NUP214: variants seen among roughly 807,000 people sequenced by gnomAD.
NUP214 encodes the protein nucleoporin 214.
A neutral mutation model predicts 196.2 loss-of-function variants in NUP214; 79 were observed. The observed-to-expected ratio is 0.40, with a 90% CI of 0.34 to 0.49. NUP214 has a LOEUF of 0.49. Ranked by LOEUF, NUP214 falls within the 20% of genes least tolerant of loss-of-function variation. The probability of loss-of-function intolerance (pLI) is 0.58; values close to 1 mark genes in which losing one functional copy is unlikely to be tolerated. For synonymous variants in NUP214, 1,020 were observed against 990.5 expected (o/e 1.03, Z -0.56); for missense variants, 2,468 against 2,539.0 (o/e 0.97, Z 0.60).
chr9:131,185,399 A>G (rs144088051), intron 24 of NUP214, among the ~76,000 whole-genome samples: 266 of 152,264 alleles, frequency 1.7e-3, no homozygotes, highest in African/African-American at 6.1e-3. Context: ...TGTTGCTGGC[A>G]ATGTCAGTGT....
rs747951522 is a variant in NUP214, at chr9:131,132,581, CCAAATCTCTTT to C, written c.664-12_664-2del. ...TTCATTTGATACTTTATTTTCCCCT[CCAAATCTCTTT>C]CAGACTTTGCAGGAAAAAAAAGTCA... On this transcript the variant is annotated splice_polypyrimidine_tract_variant and splice_region_variant and intron_variant, in intron 5 of 35. Coordinates refer to ENST00000359428, the MANE Select transcript of NUP214 (RefSeq NM_005085.4). 50 of 1,610,630 alleles carry C rather than the reference CCAAATCTCTTT, an allele frequency of 3.1e-5. No homozygotes were observed. In the African/African-American group the frequency reaches 5.1e-4, roughly 16 times the overall value.
chr9:131,128,409 C>G lies in NUP214; in HGVS notation c.319C>G (p.Leu107Val), dbSNP rs1831429983. The G allele has an allele frequency of 6.2e-7, 1 of 1,613,924 alleles. No homozygotes were observed. ...GGCCTTGAGCTGTGATAACCTCACA[C>G]TCTCTGCGTGCATGATGTCCAGTGA... Reference protein sequence around the residue: ...HLALSCDNLTLSACMMSSEYG... With the variant: ...HLALSCDNLTVSACMMSSEYG... Residue 107 changes from leucine to valine, a missense_variant, in exon 3 of 36, where the codon CTC (leucine) becomes GTC (valine). Leu to Val is a conservative substitution (Grantham distance 32). Around this residue, in one of 5 missense-constraint regions of NUP214, gnomAD observed 392 missense variants for 417.9 expected, o/e 0.94. Coordinates refer to ENST00000359428, the MANE Select transcript of NUP214 (RefSeq NM_005085.4).
Position 131,125,911 on chromosome 9 carries a change from GC to G in NUP214, c.45+166del. 3.6e-6 allele frequency: 3 copies of G among 834,906 alleles called. No individual in the cohort carries two copies. The South Asian group carries it at 4.8e-5, about 13-fold the overall frequency. 51.7% of individuals were successfully genotyped at this position (834,906 alleles called of 1,614,324 possible). A position where few individuals can be genotyped will look rare whatever the true frequency, so the allele number is the denominator to read the frequency against. ...CGTCTGCCGCGCCGCTGGCGTGATAGCCCCACCGAATGCAGTTTCCCAGTCC... is the reference window on the plus strand; with the variant it reads ...CGTCTGCCGCGCCGCTGGCGTGATAGCCCACCGAATGCAGTTTCCCAGTCC... On this transcript the variant is annotated intron_variant, in intron 1 of 35. Coordinates refer to ENST00000359428, the MANE Select transcript of NUP214 (RefSeq NM_005085.4). This position sits in a 1 kb window ranked among gnomAD's most constrained non-coding sequence, Gnocchi z 4.1.
intron 30 of NUP214, among the ~76,000 whole-genome samples, chr9:131,204,037 A>C (rs1426165629): frequency 1.3e-5 from 2 of 151,950 alleles, no homozygotes; most frequent in Admixed American, 6.5e-5. Flanking sequence ...TGGCAGAGGC[A>C]GCGCAGGCCC....
At chr9:131,163,356 C>A (rs1474918467) in intron 19 of NUP214, 183 bp downstream of exon 19, 2 of 576,448 alleles carry the variant, frequency 3.5e-6, no homozygotes, top group Non-Finnish European at 5.9e-6. Flanking sequence ...GATGACAATA[C>A]CTGCTTCGTG....
At position 131,130,161 on chromosome 9, in the gene NUP214, T is replaced by TG. The variant is rs1554728092; in HGVS notation, c.593-604dup. On this transcript the variant is annotated intron_variant, in intron 4 of 35. Coordinates refer to ENST00000359428, the MANE Select transcript of NUP214 (RefSeq NM_005085.4). Reference sequence around the variant, plus strand: ...TGTTTTTTTTTTTTTGTTTTTTTTTTGAGACAGAGTCTTGCTCTGTCGCCC... The same window carrying TG: ...TGTTTTTTTTTTTTTGTTTTTTTTTTGGAGACAGAGTCTTGCTCTGTCGCCC... 1.3e-4 allele frequency among the ~76,000 whole-genome samples: 18 copies of TG among 136,490 alleles called. 1 individual carries two copies. The highest frequency in any genetic ancestry group is 1.8e-4 in the Non-Finnish European group (11 of 62,628). The allele number at this position is 136,490 out of a possible 152,430, so 89.5% of individuals were successfully genotyped here.
intron 34 of NUP214, 72 bp downstream of exon 34, chr9:131,230,841 A>G (rs935180106): frequency 2.7e-6 from 4 of 1,508,372 alleles, no homozygotes; most frequent in Non-Finnish European, 3.6e-6. Context: ...AGAAATGAGT[A>G]TGTTTTACCT....
rs1834601468 is a variant in NUP214, at chr9:131,222,844, G to A, written c.5816G>A (p.Gly1939Glu). The A allele has an allele frequency of 6.2e-7, 1 of 1,614,214 alleles. No individual in the cohort carries two copies. ...TFGGFASSSFGEQKPTGTFSS... is the reference protein window; with the variant it reads ...TFGGFASSSFEEQKPTGTFSS... ...GGTGGATTTGCCAGCTCGTCGTTTG[G>A]AGAGCAGAAACCCACTGGCACTTTC... The change falls in exon 32 of 36, where the codon GGA (glycine) becomes GAA (glutamate). Residue 1939 changes from glycine (G) to glutamate (E), a missense_variant. By Grantham distance (98) the Gly-to-Glu change is moderately conservative. Coordinates refer to ENST00000359428, the MANE Select transcript of NUP214 (RefSeq NM_005085.4).
At chr9:131,169,321 A>G (rs1249752943) in intron 21 of NUP214, among the ~76,000 whole-genome samples, 1 of 152,056 alleles carries the variant, frequency 6.6e-6, no homozygotes, top group Non-Finnish European at 1.5e-5. Context: ...GGTGTGAGCC[A>G]CCACGCCCAG....
intron 24 of NUP214, among the ~76,000 whole-genome samples, chr9:131,181,296 G>T (rs1405683943): frequency 6.6e-6 from 1 of 152,130 alleles, no homozygotes; most frequent in Non-Finnish European, 1.5e-5. Flanking sequence ...AAGAATGCTG[G>T]GGGAGTAGGT....
At chr9:131,134,767 T>C (rs1831666031) in intron 7 of NUP214, 131 bp from the exon 8 acceptor site, 1 of 647,808 alleles carries the variant, frequency 1.5e-6, no homozygotes, top group South Asian at 1.9e-5. Flanking sequence ...CTTTATACCA[T>C]GTCCGTATAT....
chr9:131,187,330 T>A lies in NUP214; in HGVS notation c.3461T>A (p.Val1154Glu). 2 of 1,613,780 alleles carry A rather than the reference T, an allele frequency of 1.2e-6. No individual in the cohort carries two copies. The highest frequency in any genetic ancestry group is 1.7e-6 in the Non-Finnish European group (2 of 1,179,900). The change falls in exon 25 of 36, where the codon GTG becomes GAG. Residue 1154 changes from valine (V) to glutamate (E), a missense_variant. By Grantham distance (121) the Val-to-Glu change is moderately radical (BLOSUM62 -2). Coordinates refer to ENST00000359428, the MANE Select transcript of NUP214 (RefSeq NM_005085.4). ...PYSTAKTPHP[V>E]LTPVAANQAK... ...TCCACAGCCAAAACACCTCACCCAG[T>A]GTTGACCCCAGTGGCTGCTAACCAA...
intron 21 of NUP214, chr9:131,164,641 C>G (rs1470254525): frequency 6.5e-6 from 1 of 152,896 alleles, no homozygotes; most frequent in Non-Finnish European, 1.5e-5. Flanking sequence ...AGTTATCCTC[C>G]TGCCTCAGCC....
chr9:131,127,668 A>G lies in NUP214; in HGVS notation c.190A>G (p.Thr64Ala). ...AGCCAGTGGCTTGCAGATTTTTCCT[A>G]CTAAAAATCTTCTTATTCAAAATAA... is the stretch of plus-strand genomic sequence containing the variant. ...GGASGLQIFP[T>A]KNLLIQNKPG... The change falls in exon 2 of 36, where the codon ACT becomes GCT. Residue 64 changes from threonine to alanine, a missense_variant. By Grantham distance (58) the Thr-to-Ala change is moderately conservative. Transcript: ENST00000359428. 4 of 1,614,014 alleles carry G rather than the reference A, an allele frequency of 2.5e-6. No individual in the cohort carries two copies. The highest frequency in any genetic ancestry group is 3.4e-6 in the Non-Finnish European group (4 of 1,179,992).
chr9:131,133,069 C>T lies in NUP214; in HGVS notation c.728-37C>T, dbSNP rs754501192. The stretch of plus-strand genomic sequence containing the variant: ...GCTTTTTCTTGTATCTGGTTGCTGT[C>T]ATTTTTATGAGCTACTGATTAAGAT... On this transcript the variant is annotated intron_variant, in intron 6 of 35. Transcript: ENST00000359428. 8 of 1,487,926 alleles carry T rather than the reference C, an allele frequency of 5.4e-6. No homozygotes were observed. In the Admixed American group the frequency reaches 1.2e-4, roughly 22 times the overall value. 92.2% of individuals were successfully genotyped at this position (1,487,926 alleles called of 1,614,324 possible). A position where few individuals can be genotyped will look rare whatever the true frequency, so the allele number is the denominator to read the frequency against.
chr9:131,132,901 C>A, intron 6 of NUP214: 1 of 620,178 alleles, frequency 1.6e-6, no homozygotes. Flanking sequence ...ATAATTTGCC[C>A]TGATTATAAT....
intron 30 of NUP214, among the ~76,000 whole-genome samples, chr9:131,203,500 G>A (rs550201528): frequency 4.6e-5 from 7 of 152,142 alleles, no homozygotes; most frequent in Admixed American, 2.0e-4. Flanking sequence ...TATTAGTCCG[G>A]CAGTTAATAA....
At chr9:131,156,434 G>A (rs1832446570) in intron 17 of NUP214, among the ~76,000 whole-genome samples, 1 of 152,094 alleles carries the variant, frequency 6.6e-6, no homozygotes, top group Admixed American at 6.5e-5. Context: ...GCCCGGCTGA[G>A]CATGGGATGT....
intron 21 of NUP214, among the ~76,000 whole-genome samples, chr9:131,165,860 A>G (rs1349194314): frequency 6.6e-6 from 1 of 152,224 alleles, no homozygotes. Context: ...CCTCAAATAG[A>G]CAAATACTGT....
Sources: gnomAD v4.1 joint callset for allele counts (sites outside exome capture counted in the v4.1 genomes callset) on GRCh38, gnomAD v4.1.1 for gene constraint, gnomAD v4.1.1 regional missense constraint, Gnocchi (gnomAD v3.1) non-coding constraint, MANE v1.5 for transcripts, NCBI Gene and HGNC (gene_info 2026-07-23, HGNC 2026-07-21) for gene names.